LRFN5: variants seen among roughly 807,000 people sequenced by gnomAD.
LRFN5 encodes leucine-rich repeat and fibronectin type-III domain-containing protein 5.
In LRFN5, 24 loss-of-function variants were observed where a neutral mutation model predicts 45.6. That is an observed-to-expected ratio of 0.53 (90% CI 0.38 to 0.74). LRFN5 has a LOEUF of 0.74. LRFN5 is among the 30% of genes least tolerant of loss of function. The pLI, the probability that LRFN5 is intolerant of heterozygous loss-of-function variation, is 0.00. For missense variants in LRFN5, 776 were observed against 861.5 expected (o/e 0.90, Z 1.24); for synonymous variants, 340 against 313.8 (o/e 1.08, Z -0.88).
chr14:41,767,822 GAC>G (rs1201457451), intron 2 of LRFN5, among the ~76,000 whole-genome samples: 12 of 152,140 alleles, frequency 7.9e-5, no homozygotes, highest in African/African-American at 2.7e-4. Flanking sequence ...TGAAAATAAA[GAC>G]AACGTCTCAG....
At position 41,886,680 on chromosome 14, in the gene LRFN5, A is replaced by C. The variant is rs1555329671; in HGVS notation, c.55A>C (p.Ile19Leu). 1 of 1,612,214 alleles carries C rather than the reference A, an allele frequency of 6.2e-7. No individual in the cohort carries two copies. The highest frequency in any genetic ancestry group is 8.5e-7 in the Non-Finnish European group (1 of 1,179,550). The change falls in exon 3 of 6, where the codon ATC becomes CTC. Residue 19 changes from isoleucine to leucine, a missense_variant. This residue lies in a region of LRFN5 where 311 missense variants were observed against 405.1 expected (regional missense o/e 0.77). Transcript: ENST00000298119. ...CATTGGCATAGCAGTGAAAGCTCAGATCTGTCCAAAGCGTTGTGTCTGTCA... is the reference window on the plus strand; with the variant it reads ...CATTGGCATAGCAGTGAAAGCTCAGCTCTGTCCAAAGCGTTGTGTCTGTCA... ...FLIGIAVKAQ[I>L]CPKRCVCQIL...
intron 1 of LRFN5, among the ~76,000 whole-genome samples, chr14:41,636,627 A>G (rs1404245874): frequency 6.6e-6 from 1 of 151,820 alleles, no homozygotes; most frequent in African/African-American, 2.4e-5. Flanking sequence ...AAAAAAAAAA[A>G]GTAAGTAGGT....
chr14:41,679,631 C>T (rs1881794763), intron 1 of LRFN5, among the ~76,000 whole-genome samples: 1 of 152,074 alleles, frequency 6.6e-6, no homozygotes, highest in Non-Finnish European at 1.5e-5. Flanking sequence ...TTGTTACGGC[C>T]TTCTGTGAGA....
intron 2 of LRFN5, among the ~76,000 whole-genome samples, chr14:41,877,597 T>A (rs1040728498): frequency 6.6e-6 from 1 of 152,066 alleles, no homozygotes; most frequent in Non-Finnish European, 1.5e-5. Context: ...AATGTTTATG[T>A]AAATTTATTT....
At chr14:41,708,927 CAT>C (rs1416839140) in intron 1 of LRFN5, among the ~76,000 whole-genome samples, 1 of 151,754 alleles carries the variant, frequency 6.6e-6, no homozygotes, top group Admixed American at 6.6e-5. Flanking sequence ...GAGCCTAACA[CAT>C]GTGTTAAAAA....
intron 1 of LRFN5, among the ~76,000 whole-genome samples, chr14:41,677,629 C>T (rs996512346): frequency 1.3e-5 from 2 of 151,946 alleles, no homozygotes; most frequent in Non-Finnish European, 2.9e-5. Flanking sequence ...CACTAGAGGG[C>T]TTAACAGTAG....
chr14:41,766,388 T>C (rs553566743), intron 1 of LRFN5, among the ~76,000 whole-genome samples: 32 of 152,292 alleles, frequency 2.1e-4, no homozygotes, highest in African/African-American at 7.0e-4. Flanking sequence ...ATTTTCTCTG[T>C]TGAAAAATAT....
intron 2 of LRFN5, among the ~76,000 whole-genome samples, chr14:41,878,209 G>T (rs186811141): frequency 6.6e-6 from 1 of 152,004 alleles, no homozygotes; most frequent in East Asian, 1.9e-4. Context: ...TACTGTAGCC[G>T]TTTAACACAT....
intron 2 of LRFN5, among the ~76,000 whole-genome samples, chr14:41,775,093 C>CTTTTTTTCTT (rs1555316713): frequency 8.9e-6 from 1 of 112,492 alleles, no homozygotes; most frequent in African/African-American, 3.5e-5. Context: ...TTTTCTTTTT[C>CTTTTTTTCTT]TTTTTTTTTT....
intron 1 of LRFN5, among the ~76,000 whole-genome samples, chr14:41,674,180 G>C (rs1881442268): frequency 7.1e-6 from 1 of 139,892 alleles, no homozygotes; most frequent in African/African-American, 2.7e-5. Flanking sequence ...CTCCCAGACG[G>C]GGCGGCTGGC....
chr14:41,784,776 G>A (rs1282111598), intron 2 of LRFN5, among the ~76,000 whole-genome samples: 3 of 151,826 alleles, frequency 2.0e-5, no homozygotes, highest in African/African-American at 4.8e-5. Context: ...TTACAGGTAC[G>A]CACCACTATA....
chr14:41,870,513 G>A (rs973699122), intron 2 of LRFN5, among the ~76,000 whole-genome samples: 1 of 152,158 alleles, frequency 6.6e-6, no homozygotes. Context: ...GAAAGCATGT[G>A]CAGGGGAACT....
At chr14:41,895,033 T>G in intron 4 of LRFN5, 1 of 984,494 alleles carries the variant, frequency 1.0e-6, no homozygotes, top group Non-Finnish European at 1.2e-6. Context: ...TGCATTATAG[T>G]TTCAGCTTGT....
At chr14:41,780,278 T>C (rs1886435599) in intron 2 of LRFN5, among the ~76,000 whole-genome samples, 3 of 152,038 alleles carry the variant, frequency 2.0e-5, no homozygotes. Flanking sequence ...TCCATAGTCA[T>C]CTTAGAACAT....
At chr14:41,753,179 T>G (rs1410249368) in intron 1 of LRFN5, among the ~76,000 whole-genome samples, 4 of 150,030 alleles carry the variant, frequency 2.7e-5, no homozygotes, top group African/African-American at 2.4e-5. Flanking sequence ...CCTTGTAGTA[T>G]AGTTTGAAGT....
chr14:41,890,323 T>C (rs993006804), intron 3 of LRFN5, among the ~76,000 whole-genome samples: 1 of 152,236 alleles, frequency 6.6e-6, no homozygotes, highest in African/African-American at 2.4e-5. Flanking sequence ...ATAATATTAC[T>C]TGTATATTTT....
chr14:41,893,943 C>T, intron 4 of LRFN5: 1 of 985,160 alleles, frequency 1.0e-6, no homozygotes, highest in Non-Finnish European at 1.2e-6. Flanking sequence ...AAAAGCAGCA[C>T]TCAGAGTGAA....
intron 2 of LRFN5, among the ~76,000 whole-genome samples, chr14:41,871,174 G>T (rs960376922): frequency 6.6e-6 from 1 of 151,754 alleles, no homozygotes; most frequent in Admixed American, 6.6e-5. Context: ...GTAGATACTA[G>T]ATTTATCTCA....
At chr14:41,756,055 G>A (rs1885363283) in intron 1 of LRFN5, among the ~76,000 whole-genome samples, 1 of 152,128 alleles carries the variant, frequency 6.6e-6, no homozygotes, top group African/African-American at 2.4e-5. Flanking sequence ...GGAATTCTGG[G>A]TTGAAAATTC....
Sources: allele counts gnomAD v4.1 joint callset (sites outside exome capture counted in the v4.1 genomes callset), GRCh38; gene constraint gnomAD v4.1.1; regional missense constraint gnomAD v4.1.1; transcripts MANE v1.5; gene names NCBI Gene and HGNC (gene_info 2026-07-23, HGNC 2026-07-21).